RAB38: variants seen among roughly 807,000 people sequenced by gnomAD.
RAB38 encodes the protein ras-related protein Rab-38.
Under a neutral mutation model 18.4 loss-of-function variants are expected in RAB38, and 15 were observed. The observed-to-expected ratio is 0.82, with a 90% CI of 0.55 to 1.26. The LOEUF (loss-of-function observed/expected upper bound fraction) is 1.26. Among genes scored for constraint, RAB38 ranks in the 50% most tolerant of loss-of-function variants. The pLI, the probability that RAB38 is intolerant of heterozygous loss-of-function variation, is 0.00. For missense variants in RAB38, 294 were observed against 267.4 expected (o/e 1.10, Z -0.69); for synonymous variants, 101 against 104.4 (o/e 0.97, Z 0.20).
chr11:87,847,125 CAAAG>C, the RAB38 span, among the ~76,000 whole-genome samples: 1 of 151,648 alleles, frequency 6.6e-6, no homozygotes, highest in African/African-American at 2.4e-5. Flanking sequence ...AAAAGAATAA[CAAAG>C]TAAGTAGAAG....
the RAB38 span, among the ~76,000 whole-genome samples, chr11:88,025,146 T>A: frequency 1.3e-5 from 2 of 151,614 alleles, no homozygotes; most frequent in Non-Finnish European, 2.9e-5. Flanking sequence ...ACACCTACTA[T>A]GTAGGTGGCT....
the RAB38 span, among the ~76,000 whole-genome samples, chr11:87,808,346 T>G: frequency 6.6e-6 from 1 of 152,216 alleles, no homozygotes; most frequent in Non-Finnish European, 1.5e-5. Context: ...GAAAATGTGA[T>G]GTATATATAC....
chr11:88,106,990 G>C, the RAB38 span, among the ~76,000 whole-genome samples: 1 of 152,070 alleles, frequency 6.6e-6, no homozygotes, highest in Non-Finnish European at 1.5e-5. Flanking sequence ...CGATAAAGAG[G>C]CACACTCTAA....
rs564662352 is a variant in RAB38 at position 88,113,995 on chromosome 11, T to C, written c.629A>G (p.Lys210Arg). The C allele has an allele frequency of 9.3e-6, 15 of 1,614,126 alleles. No homozygotes were observed. In the African/African-American group the frequency reaches 1.9e-4, roughly 20 times the overall value. Residue 210 changes from lysine to arginine, a missense_variant, in exon 3 of 3, where the codon AAA becomes AGA. Lys to Arg is a conservative substitution (Grantham distance 26). Coordinates refer to ENST00000243662, the MANE Select transcript of RAB38 (RefSeq NM_022337.3). ...TKVASCSGCA[K>R]S is the part of the protein sequence containing the mutation. ...CACCAGCAAAGGTGCCTACTAGGAT[T>C]TGGCACAGCCAGAGCAGCTGGCAAC...
At chr11:88,011,728 A>G in the RAB38 span, among the ~76,000 whole-genome samples, 1 of 152,142 alleles carries the variant, frequency 6.6e-6, no homozygotes, top group Non-Finnish European at 1.5e-5. Flanking sequence ...CTTCAAGACA[A>G]CCTCATGGTG....
chr11:88,025,650 T>C, the RAB38 span, among the ~76,000 whole-genome samples: 2 of 152,234 alleles, frequency 1.3e-5, no homozygotes, highest in African/African-American at 4.8e-5. Context: ...TTTTTTCATA[T>C]GTATGTTGGC....
the RAB38 span, among the ~76,000 whole-genome samples, chr11:87,946,238 T>G: frequency 9.2e-5 from 14 of 152,218 alleles, no homozygotes; most frequent in African/African-American, 3.4e-4. Flanking sequence ...TTTAGTCCCT[T>G]TAGAATACTG....
chr11:88,118,658 A>G (rs1942589777), intron 2 of RAB38, among the ~76,000 whole-genome samples: 2 of 152,176 alleles, frequency 1.3e-5, no homozygotes, highest in South Asian at 4.1e-4. Context: ...AGGACAGGTA[A>G]AATTGGACTG....
chr11:88,019,983 C>T, the RAB38 span, among the ~76,000 whole-genome samples: 1 of 152,088 alleles, frequency 6.6e-6, no homozygotes, highest in East Asian at 1.9e-4. Context: ...ACACATAGAC[C>T]AGTGCCTGGT....
chr11:87,969,940 G>A, the RAB38 span, among the ~76,000 whole-genome samples: 14 of 152,094 alleles, frequency 9.2e-5, no homozygotes, highest in African/African-American at 3.4e-4. Flanking sequence ...TCAGTAAGCA[G>A]GTAGCCAAGC....
the RAB38 span, among the ~76,000 whole-genome samples, chr11:88,023,156 TAAA>T: frequency 6.6e-6 from 1 of 151,228 alleles, no homozygotes. Context: ...ACATAAAAGT[TAAA>T]AAAAATGAGA....
chr11:88,082,029 T>C, the RAB38 span, among the ~76,000 whole-genome samples: 22 of 152,058 alleles, frequency 1.4e-4, no homozygotes, highest in African/African-American at 5.3e-4. Context: ...TGATTTCATT[T>C]ACGTTGCATC....
the RAB38 span, among the ~76,000 whole-genome samples, chr11:87,934,766 T>G: frequency 6.6e-6 from 1 of 151,996 alleles, no homozygotes; most frequent in Non-Finnish European, 1.5e-5. Flanking sequence ...TCTGAGGTAT[T>G]TAACAGAAAA....
At chr11:87,953,061 CATTATT>C in the RAB38 span, among the ~76,000 whole-genome samples, 1 of 148,680 alleles carries the variant, frequency 6.7e-6, no homozygotes, top group African/African-American at 2.5e-5. Flanking sequence ...GTAAATATGT[CATTATT>C]TATTTACACA....
At chr11:87,826,749 T>C in the RAB38 span, among the ~76,000 whole-genome samples, 1 of 152,146 alleles carries the variant, frequency 6.6e-6, no homozygotes, top group Non-Finnish European at 1.5e-5. Flanking sequence ...GGCTAATAAA[T>C]GACAGTGCTA....
rs771517685 is a variant in RAB38 at position 88,175,429 on chromosome 11, G to A, written c.-45C>T. 1.2e-6 allele frequency: 2 copies of A among 1,604,174 alleles called. No homozygotes were observed. Among genetic ancestry groups the A allele is most frequent in the Middle Eastern group, 1.7e-4 (1 of 6,012 alleles). ...TGCCGTGCCTGACCAGGGAAGCGCA[G>A]CCTGGGCTCTGCGCACGAGAGAGAC... On this transcript the variant is annotated 5_prime_UTR_variant, in exon 1 of 3. Transcript: ENST00000243662.
the RAB38 span, among the ~76,000 whole-genome samples, chr11:88,028,939 A>C: frequency 6.6e-6 from 1 of 152,212 alleles, no homozygotes; most frequent in African/African-American, 2.4e-5. Context: ...AGATTCGCCA[A>C]AGTTGAAATG....
At chr11:87,943,884 G>A in the RAB38 span, among the ~76,000 whole-genome samples, 6 of 152,128 alleles carry the variant, frequency 3.9e-5, no homozygotes, top group South Asian at 2.1e-4. Flanking sequence ...ATGCAAAAAT[G>A]TAACTTACTT....
the RAB38 span, among the ~76,000 whole-genome samples, chr11:87,834,618 A>T: frequency 1.3e-5 from 2 of 152,190 alleles, no homozygotes; most frequent in Non-Finnish European, 2.9e-5. Context: ...TTGGGGCGAA[A>T]TTCAGTTGAG....
Sources: gnomAD v4.1 joint callset for allele counts (sites outside exome capture counted in the v4.1 genomes callset) on GRCh38, gnomAD v4.1.1 for gene constraint, MANE v1.5 for transcripts, NCBI Gene and HGNC (gene_info 2026-07-23, HGNC 2026-07-21) for gene names.